The following GRM7 variants were observed in gnomAD, a reference collection of about 807,000 sequenced individuals.
GRM7 encodes glutamate metabotropic receptor 7.
A neutral mutation model predicts 84.5 loss-of-function variants in GRM7; 35 were observed. The observed-to-expected ratio is 0.41, with a 90% CI of 0.32 to 0.55. GRM7 has a LOEUF of 0.55. GRM7 is among the 20% of genes least tolerant of loss of function. The pLI is 0.19. For synonymous variants in GRM7, 487 were observed against 455.1 expected, an observed-to-expected ratio of 1.07 and a Z score of -0.89; for missense variants, 1,003 against 1,194.6, an observed-to-expected ratio of 0.84 and a Z score of 2.36.
In GRM7 at chr3:7,492,839, C is replaced by T. The variant is rs116391222; in HGVS notation, c.1515+31117C>T. On this transcript the variant is annotated intron_variant, in intron 7 of 9. Transcript: ENST00000357716. ...CATTTAATCATATAAATATCCCTCT[C>T]AGCTGGGCTTTAGCTGCATCCCACA... is the stretch of plus-strand genomic sequence containing the variant. Among the ~76,000 whole-genome samples the T allele has an allele frequency of 2.0e-5, 3 of 152,152 alleles. No homozygotes were observed. In the East Asian group the frequency reaches 5.8e-4, roughly 29 times the overall value.
Position 7,579,057 on chromosome 3 carries a change from G to A in GRM7, c.2151G>A (p.Val717=). Residue 717 remains valine (V), a synonymous_variant, in exon 8 of 10, where the codon GTG becomes GTA. Transcript: ENST00000357716. ...SSLISVQLLG[V]FIWFGVDPPN... ...TAATATCAGTTCAGCTTCTAGGGGTGTTCATTTGGTTTGGTGTTGATCCAC... is the reference window on the plus strand; with the variant it reads ...TAATATCAGTTCAGCTTCTAGGGGTATTCATTTGGTTTGGTGTTGATCCAC... The A allele has an allele frequency of 6.2e-7, 1 of 1,614,100 alleles. No individual in the cohort carries two copies. The highest frequency in any genetic ancestry group is 1.3e-5 in the African/African-American group (1 of 75,026).
At chr3:7,681,759 C>G (rs1005440410) in intron 9 of GRM7, 16 of 152,262 alleles carry the variant, frequency 1.1e-4, no homozygotes, top group African/African-American at 3.9e-4. Flanking sequence ...CAAATGTAAA[C>G]CACTCCATTT....
intron 1 of GRM7, among the ~76,000 whole-genome samples, chr3:7,035,299 T>C (rs1401131632): frequency 6.6e-6 from 1 of 152,132 alleles, no homozygotes; most frequent in Non-Finnish European, 1.5e-5. Context: ...CCTGCTCAAT[T>C]AGGAAAGAGA....
intron 1 of GRM7, among the ~76,000 whole-genome samples, chr3:6,916,454 G>A (rs1005104894): frequency 6.6e-6 from 1 of 152,150 alleles, no homozygotes; most frequent in Non-Finnish European, 1.5e-5. Context: ...ACTGAAATGA[G>A]CAATAAAGGG....
At chr3:7,613,344 C>T (rs1696933480) in intron 8 of GRM7, among the ~76,000 whole-genome samples, 1 of 152,164 alleles carries the variant, frequency 6.6e-6, no homozygotes, top group African/African-American at 2.4e-5. Context: ...CCCTAACGTA[C>T]ATATGTCATG....
chr3:7,407,315 G>A (rs913324286), intron 4 of GRM7, among the ~76,000 whole-genome samples: 2 of 152,130 alleles, frequency 1.3e-5, no homozygotes, highest in East Asian at 1.9e-4. Context: ...CCTCTAGAGG[G>A]ATGGTCATTT....
chr3:7,740,502 C>A lies in GRM7; in HGVS notation c.*96C>A, dbSNP rs952804658. 4.5e-6 allele frequency: 3 copies of A among 659,940 alleles called. No homozygotes were observed. Among genetic ancestry groups the A allele is most frequent in the Admixed American group, 6.9e-5 (2 of 29,014 alleles). 40.9% of individuals were successfully genotyped at this position (659,940 alleles called of 1,614,324 possible). A position where few individuals can be genotyped will look rare whatever the true frequency, so the allele number is the denominator to read the frequency against. ...CTCTTTGGTCCTACCCGCTTCCCATCACCGGAGGAGCTTCCCCGGCCGGGA... is the reference window on the plus strand; with the variant it reads ...CTCTTTGGTCCTACCCGCTTCCCATAACCGGAGGAGCTTCCCCGGCCGGGA... On this transcript the variant is annotated 3_prime_UTR_variant, in exon 10 of 10. Coordinates refer to ENST00000357716, the MANE Select transcript of GRM7 (RefSeq NM_000844.4).
intron 2 of GRM7, among the ~76,000 whole-genome samples, chr3:7,230,476 C>T (rs1203196324): frequency 1.3e-5 from 2 of 152,204 alleles, no homozygotes; most frequent in African/African-American, 4.8e-5. Flanking sequence ...ACGCCCATAA[C>T]TGTTTCTTAG....
intron 4 of GRM7, among the ~76,000 whole-genome samples, chr3:7,340,139 G>T (rs191128613): frequency 5.9e-5 from 9 of 152,164 alleles, no homozygotes; most frequent in Non-Finnish European, 7.4e-5. Flanking sequence ...AAATAATAAG[G>T]TTCTTTTAAA....
intron 7 of GRM7, among the ~76,000 whole-genome samples, chr3:7,481,676 G>A (rs1699134042): frequency 6.6e-6 from 1 of 152,210 alleles, no homozygotes; most frequent in South Asian, 2.1e-4. Context: ...ATGATAATTT[G>A]GGGGAAGAAT....
chr3:7,256,588 G>A (rs1305645547), intron 2 of GRM7, among the ~76,000 whole-genome samples: 1 of 151,926 alleles, frequency 6.6e-6, no homozygotes, highest in East Asian at 1.9e-4. Context: ...TATTTTATCT[G>A]TGAAACTATA....
intron 1 of GRM7, among the ~76,000 whole-genome samples, chr3:7,081,702 G>A (rs566946121): frequency 6.6e-6 from 1 of 152,206 alleles, no homozygotes; most frequent in Admixed American, 6.6e-5. Flanking sequence ...GTCTAGTTAT[G>A]AATGCAAAGG....
intron 9 of GRM7, among the ~76,000 whole-genome samples, chr3:7,694,075 T>C: frequency 6.6e-6 from 1 of 152,002 alleles, no homozygotes. Flanking sequence ...TCATGGGGGG[T>C]TCTGACCCAT....
intron 1 of GRM7, among the ~76,000 whole-genome samples, chr3:7,103,153 C>T (rs1699170565): frequency 1.3e-5 from 2 of 151,698 alleles, no homozygotes; most frequent in South Asian, 4.1e-4. Context: ...GTAAGGGTTC[C>T]AGATTCTATT....
chr3:7,586,529 T>C (rs1046973985), intron 8 of GRM7, among the ~76,000 whole-genome samples: 1 of 152,130 alleles, frequency 6.6e-6, no homozygotes, highest in African/African-American at 2.4e-5. Context: ...TGGACCAGGC[T>C]GGGCGCAGTG....
At chr3:6,997,583 C>T (rs1171108484) in intron 1 of GRM7, among the ~76,000 whole-genome samples, 1 of 152,146 alleles carries the variant, frequency 6.6e-6, no homozygotes, top group African/African-American at 2.4e-5. Flanking sequence ...TTACCTCCCA[C>T]CTAGTCCTTC....
At chr3:7,327,463 T>C (rs1353859268) in intron 4 of GRM7, among the ~76,000 whole-genome samples, 1 of 152,126 alleles carries the variant, frequency 6.6e-6, no homozygotes, top group African/African-American at 2.4e-5. Context: ...CCAATTGGGG[T>C]CAACAAAGAA....
chr3:7,060,035 G>T (rs185313875), intron 1 of GRM7, among the ~76,000 whole-genome samples: 2 of 151,832 alleles, frequency 1.3e-5, no homozygotes, highest in African/African-American at 4.8e-5. Context: ...TTCCCTCTGT[G>T]TATCCTGTAA....
intron 7 of GRM7, among the ~76,000 whole-genome samples, chr3:7,549,671 T>G (rs1283227271): frequency 6.6e-6 from 1 of 152,102 alleles, no homozygotes; most frequent in East Asian, 1.9e-4. Flanking sequence ...AAAAAGAAAA[T>G]CCAGCAACTA....
Sources: gnomAD v4.1 joint callset for allele counts (sites outside exome capture counted in the v4.1 genomes callset) on GRCh38, gnomAD v4.1.1 for gene constraint, MANE v1.5 for transcripts, NCBI Gene and HGNC (gene_info 2026-07-23, HGNC 2026-07-21) for gene names.